PBX3: variants seen among roughly 807,000 people sequenced by gnomAD.
PBX3 encodes the protein pre-B-cell leukemia transcription factor 3.
PBX3 carries 14 observed loss-of-function variants against 48.5 expected under a neutral mutation model. That is an observed-to-expected ratio of 0.29 (90% CI 0.19 to 0.45). PBX3 has a LOEUF of 0.45. Among genes scored for constraint, PBX3 ranks in the 20% least tolerant of loss-of-function variants. The probability of loss-of-function intolerance (pLI) is 1.00; values close to 1 mark genes in which losing one functional copy is unlikely to be tolerated. For synonymous variants in PBX3, 210 were observed against 200.3 expected (o/e 1.05, Z -0.41); for missense variants, 386 against 546.7 (o/e 0.71, Z 2.93).
chr9:125,827,573 G>A (rs55803910), intron 2 of PBX3, among the ~76,000 whole-genome samples: 5,507 of 151,930 alleles, frequency 0.036, 347 homozygotes, highest in African/African-American at 0.12. Context: ...CCTATGTGTC[G>A]TATATACACA....
At chr9:125,934,528 CT>C (rs1276987194) in intron 4 of PBX3, among the ~76,000 whole-genome samples, 1 of 152,076 alleles carries the variant, frequency 6.6e-6, no homozygotes, top group Non-Finnish European at 1.5e-5. Context: ...GACATTTTTG[CT>C]ACTTGAAATA....
intron 2 of PBX3, among the ~76,000 whole-genome samples, chr9:125,811,645 G>A (rs1838293457): frequency 6.6e-6 from 1 of 152,098 alleles, no homozygotes; most frequent in Admixed American, 6.5e-5. Flanking sequence ...CCAGTCTCGG[G>A]TATTTCTTCA....
rs113025234 is a variant in PBX3 at position 125,810,365 on chromosome 9, A to AGTGTGTGTGT, written c.274+61765_274+61774dup. Among the ~76,000 whole-genome samples, 416 of 145,512 alleles carry AGTGTGTGTGT rather than the reference A, an allele frequency of 2.9e-3. 2 individuals carry two copies. The highest frequency in any genetic ancestry group is 0.014 in the East Asian group (70 of 4,956). ...ATATTAACCTTCTGGAGCAGGAATG[A>AGTGTGTGTGT]GTGTGTGTGTGTGTGTGTGTGTGTG... On this transcript the variant is annotated intron_variant, in intron 2 of 8. Coordinates refer to ENST00000373489, the MANE Select transcript of PBX3 (RefSeq NM_006195.6).
intron 2 of PBX3, among the ~76,000 whole-genome samples, chr9:125,817,563 C>T (rs1838502913): frequency 6.6e-6 from 1 of 152,188 alleles, no homozygotes; most frequent in African/African-American, 2.4e-5. Flanking sequence ...CTCCAGGTTG[C>T]ATCATTTATA....
At chr9:125,851,899 C>G (rs547937113) in intron 2 of PBX3, among the ~76,000 whole-genome samples, 101 of 133,180 alleles carry the variant, frequency 7.6e-4, no homozygotes, top group African/African-American at 2.9e-3. Context: ...TACAAAGAGG[C>G]AGCTCCATTT....
chr9:125,821,755 G>T (rs1347527857), intron 2 of PBX3, among the ~76,000 whole-genome samples: 4 of 152,066 alleles, frequency 2.6e-5, no homozygotes. Context: ...TTTGAAATTA[G>T]CTCTGTCCAC....
At chr9:125,854,256 C>G (rs1839661534) in intron 2 of PBX3, among the ~76,000 whole-genome samples, 1 of 152,032 alleles carries the variant, frequency 6.6e-6, no homozygotes, top group Non-Finnish European at 1.5e-5. Context: ...CTCAGCCTCC[C>G]TAGTAGCTGG....
At chr9:125,876,340 T>C (rs1443073507) in intron 2 of PBX3, among the ~76,000 whole-genome samples, 1 of 152,208 alleles carries the variant, frequency 6.6e-6, no homozygotes, top group Non-Finnish European at 1.5e-5. Flanking sequence ...CAGGTTTGAA[T>C]TGTGTGGGTC....
chr9:125,939,507 G>A (rs1173606264), intron 5 of PBX3, among the ~76,000 whole-genome samples: 1 of 152,124 alleles, frequency 6.6e-6, no homozygotes, highest in Non-Finnish European at 1.5e-5. Flanking sequence ...GATGTAAATT[G>A]ATATAGCCAC....
intron 2 of PBX3, among the ~76,000 whole-genome samples, chr9:125,782,213 C>T (rs1339099698): frequency 6.6e-6 from 1 of 152,184 alleles, no homozygotes; most frequent in Non-Finnish European, 1.5e-5. Flanking sequence ...GGACGTCTCA[C>T]ATGGCAGCAA....
intron 2 of PBX3, among the ~76,000 whole-genome samples, chr9:125,772,290 T>G (rs959565456): frequency 1.1e-4 from 16 of 152,222 alleles, no homozygotes; most frequent in African/African-American, 3.9e-4. Context: ...GGTATTGCTT[T>G]ATTGAGGTGA....
chr9:125,747,472 A>G lies in PBX3; in HGVS notation c.19A>G (p.Met7Val), dbSNP rs1169107780. ...CGGCGGGATGGACGATCAATCCAGG[A>G]TGCTGCAGACTCTGGCCGGGGTGAA... MDDQSR[M>V]LQTLAGVNLA... The change falls in exon 1 of 9, where the codon ATG becomes GTG. Residue 7 changes from methionine to valine, a missense_variant. Physicochemically the swap from Met to Val is conservative, Grantham distance 21 (BLOSUM62 1). Around this residue, in one of 4 missense-constraint regions of PBX3, gnomAD observed 116 missense variants for 98.2 expected, o/e 1.18. Transcript: ENST00000373489. 1 of 1,569,512 alleles carries G rather than the reference A, an allele frequency of 6.4e-7. No homozygotes were observed. Among genetic ancestry groups the G allele is most frequent in the South Asian group, 1.1e-5 (1 of 87,022 alleles).
At chr9:125,871,058 A>G (rs1840110963) in intron 2 of PBX3, among the ~76,000 whole-genome samples, 1 of 152,172 alleles carries the variant, frequency 6.6e-6, no homozygotes, top group African/African-American at 2.4e-5. Context: ...TATACCAGAG[A>G]CGTGTAAAAA....
intron 2 of PBX3, among the ~76,000 whole-genome samples, chr9:125,820,961 G>A (rs1838634126): frequency 1.3e-5 from 2 of 152,108 alleles, no homozygotes; most frequent in South Asian, 4.1e-4. Flanking sequence ...CAAAAGAAAA[G>A]CAATGAAATT....
intron 5 of PBX3, among the ~76,000 whole-genome samples, chr9:125,936,957 CGAATGCCTTTT>C (rs1317405159): frequency 6.6e-6 from 1 of 152,134 alleles, no homozygotes; most frequent in Non-Finnish European, 1.5e-5. Context: ...GATTTTATGA[CGAATGCCTTTT>C]CCCTGAACAT....
rs568085602 is a variant in PBX3, at chr9:125,810,152, T to C, written c.274+61529T>C. ...ACATCTATTAGCTACCTGAAGTAGT[T>C]GATAATGTTCTACTAAGTCACCCCT... On this transcript the variant is annotated intron_variant, in intron 2 of 8. Coordinates refer to ENST00000373489, the MANE Select transcript of PBX3 (RefSeq NM_006195.6). Among the ~76,000 whole-genome samples the C allele has an allele frequency of 2.0e-5, 3 of 152,300 alleles. No homozygotes were observed. In the South Asian group the frequency reaches 6.2e-4, roughly 32 times the overall value.
intron 2 of PBX3, among the ~76,000 whole-genome samples, chr9:125,866,577 A>G (rs977290714): frequency 6.6e-6 from 1 of 152,158 alleles, no homozygotes; most frequent in Non-Finnish European, 1.5e-5. Context: ...CAAAGAAACA[A>G]TCATCATGGC....
intron 2 of PBX3, among the ~76,000 whole-genome samples, chr9:125,859,124 A>G (rs1839798270): frequency 6.6e-6 from 1 of 152,208 alleles, no homozygotes; most frequent in South Asian, 2.1e-4. Flanking sequence ...AAACGATAGT[A>G]TAGGCCAGGA....
chr9:125,937,221 A>G (rs753217503), intron 5 of PBX3, among the ~76,000 whole-genome samples: 3 of 152,220 alleles, frequency 2.0e-5, no homozygotes, highest in Non-Finnish European at 2.9e-5. Context: ...GTAGTACTTC[A>G]CACTTTGTGT....
Sources: allele counts gnomAD v4.1 joint callset (sites outside exome capture counted in the v4.1 genomes callset), GRCh38; gene constraint gnomAD v4.1.1; regional missense constraint gnomAD v4.1.1; transcripts MANE v1.5; gene names NCBI Gene and HGNC (gene_info 2026-07-23, HGNC 2026-07-21).